The following TRPM1 variants were observed in gnomAD, a reference collection of about 807,000 sequenced individuals.
TRPM1 encodes transient receptor potential cation channel subfamily M member 1, also known as TRPM1-203 APA Isoform, Intron 10.
Under a neutral mutation model 149.4 loss-of-function variants are expected in TRPM1, and 113 were observed. The ratio of observed to expected loss-of-function variants is 0.76; its 90% CI spans 0.65 to 0.88. TRPM1 has a LOEUF of 0.88. TRPM1 is among the 40% of genes least tolerant of loss of function. TRPM1 has a pLI of 0.00. For synonymous variants in TRPM1, 741 were observed against 759.5 expected, an observed-to-expected ratio of 0.98 and a Z score of 0.40; for missense variants, 1,976 against 2,038.7, an observed-to-expected ratio of 0.97 and a Z score of 0.59.
chr15:31,125,186 A>C (rs2035931228), intron 1 of TRPM1, among the ~76,000 whole-genome samples: 1 of 101,622 alleles, frequency 9.8e-6, no homozygotes, highest in South Asian at 2.6e-4. Flanking sequence ...TCAAAAAACA[A>C]AACAAAACAA....
chr15:31,099,411 A>G (rs1469346748), intron 1 of TRPM1, among the ~76,000 whole-genome samples: 1 of 152,188 alleles, frequency 6.6e-6, no homozygotes, highest in Non-Finnish European at 1.5e-5. Flanking sequence ...AGACACACAC[A>G]CATACACTCT....
intron 2 of TRPM1, among the ~76,000 whole-genome samples, chr15:31,080,477 G>T (rs2034824954): frequency 6.6e-6 from 1 of 152,082 alleles, no homozygotes. Flanking sequence ...TCATCAGACA[G>T]CCCGAACTGA....
In TRPM1 at chr15:31,002,029, CA is replaced by C. The variant is rs774672321; in HGVS notation, c.4670del (p.Leu1557ArgfsTer3). ...CCAAAGTTTGATCTGGCTTCACAGA[CA>C]GTAAGTTTTCCATCCCATTTCTGTC... ...ITDRNGMENL[L>X]SVKPDQTLGF... On this transcript the variant is annotated frameshift_variant, in exon 28 of 28. Transcript: ENST00000256552. LOFTEE classifies it low-confidence loss of function (END_TRUNC). 17 of 1,614,078 alleles carry C rather than the reference CA, an allele frequency of 1.1e-5. No individual in the cohort carries two copies. Among genetic ancestry groups the C allele is most frequent in the Non-Finnish European group, 1.3e-5 (15 of 1,180,048 alleles).
chr15:31,079,868 G>A (rs2034810231), intron 2 of TRPM1, among the ~76,000 whole-genome samples: 1 of 152,126 alleles, frequency 6.6e-6, no homozygotes, highest in Admixed American at 6.5e-5. Flanking sequence ...GGGCTGGGGC[G>A]GGGAAGTATA....
At chr15:31,089,028 A>G (rs989780188) in intron 1 of TRPM1, among the ~76,000 whole-genome samples, 1 of 152,204 alleles carries the variant, frequency 6.6e-6, no homozygotes, top group East Asian at 1.9e-4. Context: ...GAGGCACTCA[A>G]ATGGGGGTAT....
rs746302143 is a variant in TRPM1, at chr15:31,042,228, C to G, written c.1810G>C (p.Ala604Pro). ...LLGMEDDEPP[A>P]KGKKKKKKKK... ...TTCTTTTTCTTTTTCTTCCCTTTAG[C>G]TGGAGGCTCATCATCCTGAGGGGAG... The change falls in exon 17 of 28, where the codon GCT (alanine) becomes CCT (proline). Residue 604 changes from alanine (A) to proline (P), a missense_variant. Ala to Pro is a conservative substitution (Grantham distance 27, BLOSUM62 -1). Coordinates refer to ENST00000256552, the MANE Select transcript of TRPM1 (RefSeq NM_001252024.2). 29 of 1,582,172 alleles carry G rather than the reference C, an allele frequency of 1.8e-5. No individual in the cohort carries two copies. Among genetic ancestry groups the G allele is most frequent in the Non-Finnish European group, 2.0e-5 (23 of 1,164,144 alleles).
chr15:31,042,417 T>G (rs1217088732), intron 16 of TRPM1, 174 bp from the exon 17 acceptor site: 1 of 700,166 alleles, frequency 1.4e-6, no homozygotes, highest in Non-Finnish European at 2.4e-6. Flanking sequence ...ACACGTTTAT[T>G]ATGATAAGTA....
At chr15:31,067,448 C>T (rs1332152349) in intron 5 of TRPM1, among the ~76,000 whole-genome samples, 1 of 152,048 alleles carries the variant, frequency 6.6e-6, no homozygotes, top group African/African-American at 2.4e-5. Flanking sequence ...ATGTCTAAGG[C>T]CTAAAGCTGG....
chr15:31,004,617 G>A (rs943717090), intron 27 of TRPM1, among the ~76,000 whole-genome samples: 9 of 152,054 alleles, frequency 5.9e-5, no homozygotes, highest in South Asian at 2.1e-4. Context: ...CTTCCTGGAC[G>A]TTTGCCACCA....
chr15:31,118,608 G>T (rs2035834779), intron 1 of TRPM1, among the ~76,000 whole-genome samples: 1 of 152,186 alleles, frequency 6.6e-6, no homozygotes, highest in South Asian at 2.1e-4. Flanking sequence ...TTCTCAGGCT[G>T]AAGGTCCAAG....
chr15:31,023,452 C>T (rs1200823147), intron 27 of TRPM1, among the ~76,000 whole-genome samples: 1 of 152,140 alleles, frequency 6.6e-6, no homozygotes, highest in Non-Finnish European at 1.5e-5. Flanking sequence ...GGGAACAGGA[C>T]CCCATGAGAG....
intron 3 of TRPM1, among the ~76,000 whole-genome samples, chr15:31,073,191 T>C (rs993297804): frequency 7.2e-5 from 11 of 152,314 alleles, no homozygotes; most frequent in African/African-American, 1.9e-4. Context: ...TAGCATGAGG[T>C]AAGGGTCCAA....
intron 1 of TRPM1, among the ~76,000 whole-genome samples, chr15:31,091,062 A>G (rs1430124362): frequency 6.6e-6 from 1 of 152,258 alleles, no homozygotes. Flanking sequence ...AAAAAGTGCA[A>G]CGAGGGTAAT....
At chr15:31,132,371 C>G (rs1015312647) in intron 1 of TRPM1, among the ~76,000 whole-genome samples, 2 of 152,234 alleles carry the variant, frequency 1.3e-5, no homozygotes, top group African/African-American at 4.8e-5. Context: ...CAGCTGCAGT[C>G]CACACATGGC....
intron 11 of TRPM1, among the ~76,000 whole-genome samples, chr15:31,054,224 T>A (rs1214598160): frequency 1.3e-5 from 2 of 151,990 alleles, no homozygotes; most frequent in Non-Finnish European, 2.9e-5. Flanking sequence ...ATAAATAAAT[T>A]GCCTTTTGTT....
At chr15:31,111,815 T>A (rs1202415920) in intron 1 of TRPM1, among the ~76,000 whole-genome samples, 1 of 152,210 alleles carries the variant, frequency 6.6e-6, no homozygotes, top group East Asian at 1.9e-4. Context: ...TGTCATGTCC[T>A]TAAGTAATGC....
chr15:31,114,582 C>A (rs1424098039), intron 1 of TRPM1, among the ~76,000 whole-genome samples: 4 of 152,068 alleles, frequency 2.6e-5, no homozygotes. Context: ...TAAGACATTG[C>A]AAAAGAAAAA....
intron 1 of TRPM1, among the ~76,000 whole-genome samples, chr15:31,107,067 TA>T (rs2035617354): frequency 6.6e-6 from 1 of 152,216 alleles, no homozygotes; most frequent in Non-Finnish European, 1.5e-5. Context: ...ACTGGCCTCA[TA>T]AAATGAGTTG....
At chr15:31,011,431 CTTTTTT>C (rs1481540877) in intron 27 of TRPM1, among the ~76,000 whole-genome samples, 2 of 151,388 alleles carry the variant, frequency 1.3e-5, no homozygotes, top group Non-Finnish European at 2.9e-5. Flanking sequence ...TATTTCTTTT[CTTTTTT>C]AAGATATGGG....
Sources: allele counts gnomAD v4.1 joint callset (sites outside exome capture counted in the v4.1 genomes callset), GRCh38; gene constraint gnomAD v4.1.1; transcripts MANE v1.5; gene names NCBI Gene and HGNC (gene_info 2026-07-23, HGNC 2026-07-21).